NHEJ1: variants seen among roughly 807,000 people sequenced by gnomAD.
NHEJ1 encodes the protein non-homologous end joining factor 1, also known as non-homologous end-joining factor 1.
NHEJ1 carries 22 observed loss-of-function variants against 39.4 expected under a neutral mutation model. That is an observed-to-expected ratio of 0.56 (90% CI 0.40 to 0.80). The LOEUF (loss-of-function observed/expected upper bound fraction) is 0.80. NHEJ1 is among the 30% of genes least tolerant of loss of function. The probability of loss-of-function intolerance (pLI) is 0.00; values close to 1 mark genes in which losing one functional copy is unlikely to be tolerated. For missense variants in NHEJ1, 329 were observed against 357.1 expected, an observed-to-expected ratio of 0.92 and a Z score of 0.63; for synonymous variants, 154 against 135.6, an observed-to-expected ratio of 1.14 and a Z score of -0.94.
rs1271689859 is a variant in NHEJ1 at position 219,071,476 on chromosome 2, A to G, written c.*4905T>C. On this transcript the variant is annotated 3_prime_UTR_variant, in exon 8 of 8. Transcript: ENST00000356853. The stretch of plus-strand genomic sequence containing the variant: ...GCAGGATTATAGGATCTGATTAACC[A>G]TGTTAGACAACAATGCCGAGCTGGG... Among the ~76,000 whole-genome samples the G allele has an allele frequency of 2.6e-5, 4 of 152,238 alleles. No homozygotes were observed. Among genetic ancestry groups the G allele is most frequent in the African/African-American group, 4.8e-5 (2 of 41,464 alleles).
At chr2:219,125,816 A>T (rs1949509784) in intron 5 of NHEJ1, among the ~76,000 whole-genome samples, 1 of 152,240 alleles carries the variant, frequency 6.6e-6, no homozygotes, top group African/African-American at 2.4e-5. Flanking sequence ...AAAGGATAAA[A>T]AGGGCTGAGA....
intron 5 of NHEJ1, among the ~76,000 whole-genome samples, chr2:219,134,302 T>C (rs1390725689): frequency 6.6e-6 from 1 of 152,232 alleles, no homozygotes. Flanking sequence ...TTAGGCAAAT[T>C]AGTTCACCAC....
Position 219,071,773 on chromosome 2 carries a change from G to A in NHEJ1, c.*4608C>T, listed in dbSNP as rs1456608808. ...CTGGAGCTCTTCCAGTGCTTCTTCC[G>A]GGTTCCCCTGGTAGGCTGGCCCAGA... On this transcript the variant is annotated 3_prime_UTR_variant, in exon 8 of 8. Coordinates refer to ENST00000356853, the MANE Select transcript of NHEJ1 (RefSeq NM_024782.3). Among the ~76,000 whole-genome samples the A allele has an allele frequency of 6.6e-6, 1 of 152,250 alleles. No homozygotes were observed. The highest frequency in any genetic ancestry group is 2.4e-5 in the African/African-American group (1 of 41,542).
chr2:219,128,600 A>G, intron 5 of NHEJ1, among the ~76,000 whole-genome samples: 1 of 152,164 alleles, frequency 6.6e-6, no homozygotes, highest in South Asian at 2.1e-4. Flanking sequence ...TAACAAACTC[A>G]GCATCCAAGC....
intron 5 of NHEJ1, among the ~76,000 whole-genome samples, chr2:219,131,247 G>A (rs1949575878): frequency 6.6e-6 from 1 of 152,104 alleles, no homozygotes; most frequent in Non-Finnish European, 1.5e-5. Context: ...CACCTCCTGG[G>A]GACTCTATAC....
chr2:219,133,800 T>C (rs1949600091), intron 5 of NHEJ1, among the ~76,000 whole-genome samples: 1 of 152,212 alleles, frequency 6.6e-6, no homozygotes. Flanking sequence ...AGAAATCTAC[T>C]AATCTATCTT....
rs1948994516 is a variant in NHEJ1, at chr2:219,074,541, C to CACCT, written c.*1839_*1840insAGGT. ...GGTAGATCACCTGAGGTCAGGAGTT[C>CACCT]GAGACCAGCCTAGCCAACATGGTGA... On this transcript the variant is annotated 3_prime_UTR_variant, in exon 8 of 8. Transcript: ENST00000356853. 6.6e-6 allele frequency among the ~76,000 whole-genome samples: 1 copy of CACCT among 151,996 alleles called. No individual in the cohort carries two copies. Among genetic ancestry groups the CACCT allele is most frequent in the Non-Finnish European group, 1.5e-5 (1 of 68,014 alleles).
chr2:219,122,855 A>G (rs1054348584), intron 5 of NHEJ1, among the ~76,000 whole-genome samples: 9 of 152,214 alleles, frequency 5.9e-5, no homozygotes, highest in African/African-American at 2.2e-4. Context: ...TCTAATATTA[A>G]CCTTGGCTAG....
At chr2:219,137,586 A>AC (rs1949645280) in intron 5 of NHEJ1, among the ~76,000 whole-genome samples, 2 of 138,712 alleles carry the variant, frequency 1.4e-5, no homozygotes, top group Non-Finnish European at 3.2e-5. Flanking sequence ...AAAAAAAAAA[A>AC]AAAAAACAAA....
chr2:219,107,511 CA>C (rs1949325293), intron 5 of NHEJ1, among the ~76,000 whole-genome samples: 2 of 152,196 alleles, frequency 1.3e-5, no homozygotes, highest in African/African-American at 4.8e-5. Context: ...AAGCAAGAAA[CA>C]GCAATGTCTA....
chr2:219,103,435 C>G (rs562281534), intron 5 of NHEJ1, among the ~76,000 whole-genome samples: 1 of 152,022 alleles, frequency 6.6e-6, no homozygotes, highest in African/African-American at 2.4e-5. Context: ...ACCAGAATAC[C>G]TGGCTAATTT....
chr2:219,112,130 C>T (rs1949371727), intron 5 of NHEJ1, among the ~76,000 whole-genome samples: 1 of 152,146 alleles, frequency 6.6e-6, no homozygotes, highest in African/African-American at 2.4e-5. Flanking sequence ...GAGATTGTAA[C>T]TAAATGGTGA....
intron 5 of NHEJ1, among the ~76,000 whole-genome samples, chr2:219,131,201 C>T (rs916753319): frequency 6.6e-6 from 1 of 152,136 alleles, no homozygotes; most frequent in African/African-American, 2.4e-5. Flanking sequence ...GAAATAGATA[C>T]ATGAATTGAA....
chr2:219,108,497 TG>T (rs1178338474), intron 5 of NHEJ1, among the ~76,000 whole-genome samples: 1 of 152,124 alleles, frequency 6.6e-6, no homozygotes, highest in Non-Finnish European at 1.5e-5. Flanking sequence ...TTAGATTATC[TG>T]TCCATTTATT....
At chr2:219,109,686 G>A (rs964121450) in intron 5 of NHEJ1, among the ~76,000 whole-genome samples, 2 of 152,154 alleles carry the variant, frequency 1.3e-5, no homozygotes, top group Non-Finnish European at 1.5e-5. Context: ...GGAGGCGTGG[G>A]TTGGGAGTAT....
chr2:219,110,660 G>A (rs1258365973), intron 5 of NHEJ1, among the ~76,000 whole-genome samples: 1 of 152,054 alleles, frequency 6.6e-6, no homozygotes, highest in East Asian at 1.9e-4. Flanking sequence ...GGGTGGCCGG[G>A]AAGTCCTCAA....
intron 3 of NHEJ1, among the ~76,000 whole-genome samples, chr2:219,153,715 AG>A (rs1949822138): frequency 6.8e-6 from 1 of 146,876 alleles, no homozygotes; most frequent in Admixed American, 6.8e-5. Flanking sequence ...GGAGAGAGAG[AG>A]AGAGAGCAAG....
intron 5 of NHEJ1, among the ~76,000 whole-genome samples, chr2:219,126,231 C>A (rs762710344): frequency 1.3e-5 from 2 of 152,180 alleles, no homozygotes; most frequent in Non-Finnish European, 2.9e-5. Flanking sequence ...TTCATTACAA[C>A]AAAGCCTCTA....
At chr2:219,083,295 A>G (rs890471660) in intron 5 of NHEJ1, among the ~76,000 whole-genome samples, 2 of 152,176 alleles carry the variant, frequency 1.3e-5, no homozygotes, top group African/African-American at 4.8e-5. Context: ...ATAACCTGAA[A>G]TGGCCCTGGG....
Sources: gnomAD v4.1 joint callset for allele counts (sites outside exome capture counted in the v4.1 genomes callset) on GRCh38, gnomAD v4.1.1 for gene constraint, MANE v1.5 for transcripts, NCBI Gene and HGNC (gene_info 2026-07-23, HGNC 2026-07-21) for gene names.